CATSPERB: variants seen among roughly 807,000 people sequenced by gnomAD.
CATSPERB encodes catsper channel auxiliary subunit beta.
A neutral mutation model predicts 128.3 loss-of-function variants in CATSPERB; 93 were observed. The ratio of observed to expected loss-of-function variants is 0.72; its 90% CI spans 0.61 to 0.86. The LOEUF is 0.86. Among genes scored for constraint, CATSPERB ranks in the 40% least tolerant of loss-of-function variants. CATSPERB has a pLI of 0.00. For missense variants in CATSPERB, 1,153 were observed against 1,329.5 expected (o/e 0.87, Z 2.06); for synonymous variants, 381 against 448.8 (o/e 0.85, Z 1.91).
chr14:91,622,746 TTC>T (rs1278144104), intron 18 of CATSPERB, among the ~76,000 whole-genome samples: 1 of 152,132 alleles, frequency 6.6e-6, no homozygotes, highest in Non-Finnish European at 1.5e-5. Flanking sequence ...ACCATGTAAT[TTC>T]TCTTTCCCTT....
intron 15 of CATSPERB, chr14:91,646,268 T>A (rs1404700594): frequency 6.5e-6 from 1 of 153,560 alleles, no homozygotes; most frequent in African/African-American, 2.4e-5. Context: ...TCTCATACCC[T>A]GCATCGAATC....
chr14:91,654,131 G>A (rs1251711539), intron 15 of CATSPERB, among the ~76,000 whole-genome samples: 4 of 152,102 alleles, frequency 2.6e-5, no homozygotes, highest in Non-Finnish European at 5.9e-5. Context: ...AGAAAAAGAG[G>A]GATTATAGAG....
chr14:91,713,286 A>G (rs774976758), intron 5 of CATSPERB, among the ~76,000 whole-genome samples: 10 of 40,550 alleles, frequency 2.5e-4, no homozygotes, highest in South Asian at 1.9e-3. Context: ...ACAAACTAGG[A>G]AAAAAAAAAG....
At chr14:91,698,208 G>C (rs1304611647) in intron 7 of CATSPERB, among the ~76,000 whole-genome samples, 1 of 152,082 alleles carries the variant, frequency 6.6e-6, no homozygotes, top group Non-Finnish European at 1.5e-5. Flanking sequence ...GAATGCTACT[G>C]ATTTTTCTAC....
intron 18 of CATSPERB, among the ~76,000 whole-genome samples, chr14:91,622,230 A>C (rs1894063285): frequency 6.6e-6 from 1 of 151,830 alleles, no homozygotes; most frequent in African/African-American, 2.4e-5. Flanking sequence ...TTACTATGGA[A>C]ATACTAAAAG....
chr14:91,685,137 G>A (rs1474599866), intron 10 of CATSPERB, among the ~76,000 whole-genome samples: 2 of 152,104 alleles, frequency 1.3e-5, no homozygotes, highest in Admixed American at 1.3e-4. Context: ...ATATTGCCCA[G>A]GCTAGTCTAG....
intron 7 of CATSPERB, among the ~76,000 whole-genome samples, chr14:91,699,984 G>A (rs1895619793): frequency 6.6e-6 from 1 of 151,792 alleles, no homozygotes; most frequent in South Asian, 2.1e-4. Flanking sequence ...TGCAGAACAT[G>A]CAGGTTTTTT....
intron 5 of CATSPERB, among the ~76,000 whole-genome samples, chr14:91,714,097 T>G (rs1372901871): frequency 6.6e-6 from 1 of 152,022 alleles, no homozygotes; most frequent in Non-Finnish European, 1.5e-5. Context: ...TAACAAGATT[T>G]GACACCAATA....
At chr14:91,622,210 A>AT (rs35544588) in intron 18 of CATSPERB, among the ~76,000 whole-genome samples, 22,645 of 150,418 alleles carry the variant, frequency 0.15, 2,239 homozygotes, top group East Asian at 0.47. Context: ...AAGAAAGCTG[A>AT]TTTTTTTTTT....
In CATSPERB at chr14:91,580,861, A is replaced by C; in HGVS notation, c.*28T>G. 6.4e-7 allele frequency: 1 copy of C among 1,568,436 alleles called. No individual in the cohort carries two copies. The highest frequency in any genetic ancestry group is 1.1e-5 in the South Asian group (1 of 88,388). On this transcript the variant is annotated 3_prime_UTR_variant, in exon 27 of 27. Transcript: ENST00000256343. ...AGGAATTGGCTGATAAAACTAGAAA[A>C]TAAAGAGAAATTATGATCACCATGT...
intron 7 of CATSPERB, among the ~76,000 whole-genome samples, chr14:91,703,145 T>C (rs116124164): frequency 0.011 from 1,682 of 152,294 alleles, 33 homozygotes; most frequent in African/African-American, 0.038. Flanking sequence ...TTTTAAGTTT[T>C]AAATATATTT....
chr14:91,585,300 A>G (rs1342619255), intron 26 of CATSPERB, among the ~76,000 whole-genome samples: 1 of 152,064 alleles, frequency 6.6e-6, no homozygotes, highest in Non-Finnish European at 1.5e-5. Flanking sequence ...TTTTCCCCAT[A>G]CCAGTCTTTT....
chr14:91,722,891 A>T (rs929413127), intron 4 of CATSPERB, among the ~76,000 whole-genome samples, 158 bp downstream of exon 4: 1 of 152,178 alleles, frequency 6.6e-6, no homozygotes, highest in Non-Finnish European at 1.5e-5. Context: ...TTAAAAATAT[A>T]TGACTGTTTA....
chr14:91,673,089 C>T, intron 12 of CATSPERB, 73 bp from the exon 13 acceptor site: 2 of 1,270,092 alleles, frequency 1.6e-6, no homozygotes, highest in Non-Finnish European at 2.2e-6. Flanking sequence ...TGAAACTAGC[C>T]CACTTGTTCA....
At chr14:91,727,999 T>C (rs1420285836) in intron 2 of CATSPERB, among the ~76,000 whole-genome samples, 1 of 152,204 alleles carries the variant, frequency 6.6e-6, no homozygotes, top group Non-Finnish European at 1.5e-5. Flanking sequence ...TAAGCCCATT[T>C]TTTCAGTCTC....
intron 18 of CATSPERB, among the ~76,000 whole-genome samples, chr14:91,623,693 C>A (rs1253698845): frequency 1.3e-5 from 2 of 152,158 alleles, no homozygotes; most frequent in Non-Finnish European, 2.9e-5. Context: ...CTCTCCATCA[C>A]CTGCCCAGTC....
intron 22 of CATSPERB, among the ~76,000 whole-genome samples, chr14:91,602,090 C>T (rs572916531): frequency 3.2e-4 from 49 of 152,222 alleles, no homozygotes; most frequent in Non-Finnish European, 5.4e-4. Flanking sequence ...ATATATCATA[C>T]AGTATTAGGT....
chr14:91,706,883 T>C (rs1895741515), intron 6 of CATSPERB, among the ~76,000 whole-genome samples: 1 of 151,940 alleles, frequency 6.6e-6, no homozygotes, highest in Non-Finnish European at 1.5e-5. Flanking sequence ...AAGGCTCTGC[T>C]CACCACCTCC....
At chr14:91,684,628 A>C (rs1293250316) in intron 10 of CATSPERB, among the ~76,000 whole-genome samples, 1 of 98,310 alleles carries the variant, frequency 1.0e-5, no homozygotes, top group African/African-American at 3.4e-5. Context: ...TTTTTTTTTT[A>C]AATTGAGAAG....
Sources: gnomAD v4.1 joint callset for allele counts (sites outside exome capture counted in the v4.1 genomes callset) on GRCh38, gnomAD v4.1.1 for gene constraint, MANE v1.5 for transcripts, NCBI Gene and HGNC (gene_info 2026-07-23, HGNC 2026-07-21) for gene names.